CDHR4: variants seen among roughly 807,000 people sequenced by gnomAD.
CDHR4 encodes the protein cadherin-related family member 4.
A neutral mutation model predicts 88.4 loss-of-function variants in CDHR4; 89 were observed. The ratio of observed to expected loss-of-function variants is 1.01; its 90% CI spans 0.85 to 1.20. The LOEUF (loss-of-function observed/expected upper bound fraction) is 1.20. CDHR4 is among the 50% of genes most tolerant of loss of function. The pLI, the probability that CDHR4 is intolerant of heterozygous loss-of-function variation, is 0.00. For missense variants in CDHR4, 914 were observed against 1,007.2 expected (o/e 0.91, Z 1.25); for synonymous variants, 368 against 399.2 (o/e 0.92, Z 0.93).
Position 49,792,532 on chromosome 3 carries a change from A to G in CDHR4, c.2074T>C (p.Leu692=), listed in dbSNP as rs1559723324. Residue 692 remains leucine (L), a synonymous_variant, in exon 15 of 19, where the codon TTG becomes CTG. Coordinates refer to ENST00000412678, the MANE Select transcript of CDHR4 (RefSeq NM_001007540.4). ...WQPQPWFVVV[L]TATGALLLLA... Reference sequence around the variant, plus strand: ...AGGAGAAGAGCACCAGTTGCTGTCAACACCACCACAAACCAGGGCTGTGGC... The same window carrying G: ...AGGAGAAGAGCACCAGTTGCTGTCAGCACCACCACAAACCAGGGCTGTGGC... The G allele has an allele frequency of 1.9e-6, 3 of 1,551,696 alleles. No individual in the cohort carries two copies. Among genetic ancestry groups the G allele is most frequent in the South Asian group, 1.2e-5 (1 of 84,064 alleles).
chr3:49,795,496 T>A lies in CDHR4; in HGVS notation c.848-117A>T, dbSNP rs2081257047. On this transcript the variant is annotated intron_variant, in intron 7 of 18. Transcript: ENST00000412678. This position sits in a 1 kb window ranked among gnomAD's most constrained non-coding sequence, Gnocchi z 5.4. ...CAGATCCATAGGCAAAGGAGGCCGC[T>A]GAGCCTGGCCCTCCTGCTGCCTTCT... 6.7e-7 allele frequency: 1 copy of A among 1,490,238 alleles called. No individual in the cohort carries two copies. Among genetic ancestry groups the A allele is most frequent in the African/African-American group, 1.4e-5 (1 of 71,992 alleles). The allele number at this position is 1,490,238 out of a possible 1,614,324, so 92.3% of individuals were successfully genotyped here. A position where few individuals can be genotyped will look rare whatever the true frequency, so the allele number is the denominator to read the frequency against.
intron 2 of CDHR4, 43 bp from the exon 3 acceptor site, chr3:49,799,199 G>C: frequency 6.2e-7 from 1 of 1,604,690 alleles, no homozygotes; most frequent in African/African-American, 1.3e-5. Context: ...GGAAATTTTA[G>C]GTCTGCCCTT....
chr3:49,792,134 G>GTC (rs1207651128), intron 15 of CDHR4, among the ~76,000 whole-genome samples, 175 bp from the exon 16 acceptor site: 3 of 152,170 alleles, frequency 2.0e-5, no homozygotes, highest in South Asian at 2.1e-4. Flanking sequence ...GAACTTCAGA[G>GTC]TCTACAGGAG....
chr3:49,793,965 A>G lies in CDHR4; in HGVS notation c.1321T>C (p.Phe441Leu). 4 of 1,551,664 alleles carry G rather than the reference A, an allele frequency of 2.6e-6. No individual in the cohort carries two copies. Among genetic ancestry groups the G allele is most frequent in the Non-Finnish European group, 3.5e-6 (4 of 1,146,986 alleles). Residue 441 changes from phenylalanine (F) to leucine (L), a missense_variant, in exon 11 of 19, where the codon TTC becomes CTC. Physicochemically the swap from Phe to Leu is conservative, Grantham distance 22. Transcript: ENST00000412678. ...GTGCGAGGGGCACAGGCTGGGGAGA[A>G]CTCGTTGATGGGTGTCACCATCACC... ...VLVMVTPINEFSPACAPRTFR... is the reference protein window; with the variant it reads ...VLVMVTPINELSPACAPRTFR...
intron 18 of CDHR4, 146 bp downstream of exon 18, chr3:49,791,293 TGA>T: frequency 1.2e-6 from 1 of 831,082 alleles, no homozygotes; most frequent in Non-Finnish European, 1.9e-6. Context: ...TGAGCGGGGA[TGA>T]GAGCAGACCC....
At chr3:49,799,665 C>T (rs777685052) in intron 1 of CDHR4, 99 bp downstream of exon 1, 1 of 1,352,298 alleles carries the variant, frequency 7.4e-7, no homozygotes, top group Middle Eastern at 1.8e-4. Flanking sequence ...CTTACACTTT[C>T]CTACCTCTCC....
Position 49,795,185 on chromosome 3 carries a change from C to G in CDHR4, c.1031+11G>C. ...ACCCCAGCAGCCCAAGTATGGTTCC[C>G]GGGTACTCACACCAGAAGCGCTGGG... On this transcript the variant is annotated intron_variant, in intron 8 of 18. Transcript: ENST00000412678. The surrounding 1 kb of genome is among the most constrained non-coding windows in gnomAD (Gnocchi z 5.4). 1 of 1,551,590 alleles carries G rather than the reference C, an allele frequency of 6.4e-7. No homozygotes were observed. The highest frequency in any genetic ancestry group is 8.7e-7 in the Non-Finnish European group (1 of 1,146,958).
intron 11 of CDHR4, 33 bp from the exon 12 acceptor site, chr3:49,793,755 G>GGCCCT (rs2081220953): frequency 1.3e-6 from 2 of 1,551,442 alleles, no homozygotes; most frequent in Admixed American, 2.0e-5. Flanking sequence ...CAGCCTGCAG[G>GGCCCT]GCCAACTCTG....
chr3:49,802,481 C>T (rs964055201), upstream of CDHR4, among the ~76,000 whole-genome samples: 2 of 152,150 alleles, frequency 1.3e-5, no homozygotes, highest in Non-Finnish European at 2.9e-5. Flanking sequence ...GGCCAGAATG[C>T]CCCTCTTCTT....
intron 4 of CDHR4, 70 bp from the exon 5 acceptor site, chr3:49,797,102 GCAGCAACCCTC>G (rs1314457115): frequency 2.6e-5 from 33 of 1,279,582 alleles, no homozygotes; most frequent in Non-Finnish European, 3.5e-5. Context: ...CGACAACCCA[GCAGCAACCCTC>G]CAGCAACCCA....
chr3:49,793,468 T>C (rs2081214744), intron 12 of CDHR4, 115 bp downstream of exon 12: 2 of 1,472,984 alleles, frequency 1.4e-6, no homozygotes, highest in South Asian at 1.4e-5. Flanking sequence ...CCCACTCTTC[T>C]CCAGCCAACT....
rs554469815 is a variant in CDHR4 at position 49,799,265 on chromosome 3, T to C, written c.222A>G (p.Gln74=). ...FFNPPSLARW[Q]GTYVGKLTLS... ...ACCCTACCTTGCCCACATAGGTCCC[T>C]TGCCACCTGGCCAAGCTGGGTGGGT... The change falls in exon 2 of 19, where the codon CAA becomes CAG. Residue 74 remains glutamine, a synonymous_variant. Transcript: ENST00000412678. 90 of 1,613,746 alleles carry C rather than the reference T, an allele frequency of 5.6e-5. 2 individuals carry two copies. The South Asian group carries it at 8.5e-4, about 15-fold the overall frequency.
chr3:49,800,898 A>G (rs1287680317), upstream of CDHR4, among the ~76,000 whole-genome samples: 1 of 151,722 alleles, frequency 6.6e-6, no homozygotes, highest in East Asian at 1.9e-4. Flanking sequence ...AAAAAAAAAA[A>G]AAAATTAGCT....
upstream of CDHR4, among the ~76,000 whole-genome samples, chr3:49,801,693 A>G (rs1434263954): frequency 2.0e-5 from 3 of 152,252 alleles, no homozygotes; most frequent in Admixed American, 2.0e-4. Context: ...TGTAGGAGTC[A>G]TGCTTGATGC....
chr3:49,791,120 C>T (rs2081172520), intron 18 of CDHR4, among the ~76,000 whole-genome samples: 1 of 152,182 alleles, frequency 6.6e-6, no homozygotes, highest in African/African-American at 2.4e-5. Flanking sequence ...ACCAGCTTCC[C>T]TAAGGCAATA....
chr3:49,790,944 G>T, intron 18 of CDHR4, 57 bp from the exon 19 acceptor site: 9 of 1,364,256 alleles, frequency 6.6e-6, no homozygotes, highest in Non-Finnish European at 9.1e-6. Flanking sequence ...CAGAAGAACT[G>T]CCTCCCTCCC....
At chr3:49,790,987 G>A in intron 18 of CDHR4, 100 bp from the exon 19 acceptor site, 8 of 931,662 alleles carry the variant, frequency 8.6e-6, no homozygotes, top group Non-Finnish European at 1.3e-5. Context: ...ATTCCTCCAG[G>A]ACCCTCAGTG....
rs2081164399 is a variant in CDHR4, at chr3:49,790,762, T to C, written c.*70A>G. On this transcript the variant is annotated 3_prime_UTR_variant, in exon 19 of 19. Coordinates refer to ENST00000412678, the MANE Select transcript of CDHR4 (RefSeq NM_001007540.4). ...TTTTTGTAATTTTGTTTATTATGAATCAACTTGAAAATACAGCCCATGATG... is the reference window on the plus strand; with the variant it reads ...TTTTTGTAATTTTGTTTATTATGAACCAACTTGAAAATACAGCCCATGATG... 1.5e-6 allele frequency: 2 copies of C among 1,332,234 alleles called. No individual in the cohort carries two copies. The highest frequency in any genetic ancestry group is 3.0e-5 in the African/African-American group (2 of 67,156). 82.5% of individuals were successfully genotyped at this position (1,332,234 alleles called of 1,614,324 possible).
Position 49,791,774 on chromosome 3 carries a change from C to A in CDHR4, c.2223G>T (p.Glu741Asp), listed in dbSNP as rs1179774687. ...CCATCTTCGGTGCCTCCAGGAAACC[C>A]TCGATGGATCCCTCAGTTCCCTGGA... is the stretch of plus-strand genomic sequence containing the variant. ...NSIQGTEGSI[E>D]GFLEAPKMEM... The change falls in exon 17 of 19, where the codon GAG becomes GAT. Residue 741 changes from glutamate to aspartate, a missense_variant. Glu to Asp is a conservative substitution (Grantham distance 45). Coordinates refer to ENST00000412678, the MANE Select transcript of CDHR4 (RefSeq NM_001007540.4). The A allele has an allele frequency of 2.6e-6, 4 of 1,551,698 alleles. No homozygotes were observed. Among genetic ancestry groups the A allele is most frequent in the Non-Finnish European group, 3.5e-6 (4 of 1,146,992 alleles).
Sources: allele counts gnomAD v4.1 joint callset (sites outside exome capture counted in the v4.1 genomes callset), GRCh38; gene constraint gnomAD v4.1.1; non-coding constraint Gnocchi (gnomAD v3.1); transcripts MANE v1.5; gene names NCBI Gene and HGNC (gene_info 2026-07-23, HGNC 2026-07-21).